Variants in ANKS1B observed in about 807,000 individuals in gnomAD.
ANKS1B encodes the protein ankyrin repeat and sterile alpha motif domain-containing protein 1B.
A neutral mutation model predicts 148.3 loss-of-function variants in ANKS1B; 36 were observed. That is an observed-to-expected ratio of 0.24 (90% CI 0.19 to 0.32). ANKS1B has a LOEUF of 0.32. Ranked by LOEUF, ANKS1B falls within the 10% of genes least tolerant of loss-of-function variation. The probability of loss-of-function intolerance (pLI) is 1.00; values close to 1 mark genes in which losing one functional copy is unlikely to be tolerated. For synonymous variants in ANKS1B, 542 were observed against 560.8 expected, an observed-to-expected ratio of 0.97 and a Z score of 0.47; for missense variants, 1,157 against 1,542.6, an observed-to-expected ratio of 0.75 and a Z score of 4.19.
chr12:98,807,043 G>A (rs2099055927), intron 20 of ANKS1B, among the ~76,000 whole-genome samples: 2 of 152,082 alleles, frequency 1.3e-5, no homozygotes, highest in African/African-American at 4.8e-5. Flanking sequence ...TCTCAACCAA[G>A]TGTCTCAACC....
chr12:99,245,198 T>A (rs1199734439), intron 13 of ANKS1B, among the ~76,000 whole-genome samples: 1 of 152,158 alleles, frequency 6.6e-6, no homozygotes, highest in East Asian at 1.9e-4. Flanking sequence ...CACAAGCTGA[T>A]TACTGACATC....
At chr12:99,258,149 C>T (rs964035453) in intron 12 of ANKS1B, among the ~76,000 whole-genome samples, 8 of 152,130 alleles carry the variant, frequency 5.3e-5, no homozygotes, top group Non-Finnish European at 1.2e-4. Context: ...TAACGTGACT[C>T]TTTAAATGAT....
intron 16 of ANKS1B, among the ~76,000 whole-genome samples, chr12:99,081,490 C>T (rs1465743658): frequency 2.6e-5 from 4 of 152,164 alleles, no homozygotes; most frequent in Admixed American, 6.5e-5. Context: ...TAAAATGACA[C>T]TATTAACCAT....
chr12:98,828,114 T>G (rs1304934097), intron 19 of ANKS1B, among the ~76,000 whole-genome samples: 1 of 152,158 alleles, frequency 6.6e-6, no homozygotes, highest in Non-Finnish European at 1.5e-5. Context: ...ATCCCAACAT[T>G]GCCATTGCCT....
chr12:98,975,191 T>C, intron 17 of ANKS1B, among the ~76,000 whole-genome samples: 1 of 136,156 alleles, frequency 7.3e-6, no homozygotes, highest in Non-Finnish European at 1.6e-5. Flanking sequence ...CCTTTCCTCT[T>C]CCTTCCTCTT....
intron 12 of ANKS1B, among the ~76,000 whole-genome samples, chr12:99,395,393 T>G (rs2152563754): frequency 6.6e-6 from 1 of 152,280 alleles, no homozygotes; most frequent in East Asian, 1.9e-4. Flanking sequence ...TACCTACAAA[T>G]ATTCTACATT....
intron 10 of ANKS1B, among the ~76,000 whole-genome samples, chr12:99,445,348 T>C (rs1443532744): frequency 2.0e-5 from 3 of 152,018 alleles, no homozygotes; most frequent in African/African-American, 7.2e-5. Flanking sequence ...GGCCAAGGAC[T>C]GGAGGCAGGT....
At chr12:99,279,811 C>G (rs2078160630) in intron 12 of ANKS1B, among the ~76,000 whole-genome samples, 2 of 151,918 alleles carry the variant, frequency 1.3e-5, no homozygotes, top group South Asian at 4.2e-4. Flanking sequence ...CCCAGGAGTT[C>G]AGGACCAGCC....
chr12:99,935,506 C>A (rs1489493532), intron 1 of ANKS1B, among the ~76,000 whole-genome samples: 2 of 152,076 alleles, frequency 1.3e-5, no homozygotes, highest in African/African-American at 4.8e-5. Flanking sequence ...CTATGGTTTC[C>A]TCTTAAGCAT....
chr12:98,840,221 C>G (rs2099398199), intron 17 of ANKS1B, among the ~76,000 whole-genome samples: 1 of 152,174 alleles, frequency 6.6e-6, no homozygotes. Flanking sequence ...TACACACAGT[C>G]TTGCCACGGG....
intron 9 of ANKS1B, among the ~76,000 whole-genome samples, chr12:99,579,588 A>G (rs182756086): frequency 1.2e-4 from 18 of 152,344 alleles, no homozygotes; most frequent in African/African-American, 4.1e-4. Context: ...GCCAACAATC[A>G]CATGAAAGAA....
chr12:99,805,282 A>AAAAAAAAAAAAAAAAAAAC (rs2067485564), intron 4 of ANKS1B, among the ~76,000 whole-genome samples: 1 of 148,302 alleles, frequency 6.7e-6, no homozygotes, highest in Non-Finnish European at 1.5e-5. Context: ...AAAAAAAAAA[A>AAAAAAAAAAAAAAAAAAAC]AAAAAAGACT....
At chr12:98,962,137 G>A (rs1349560310) in intron 17 of ANKS1B, among the ~76,000 whole-genome samples, 1 of 148,202 alleles carries the variant, frequency 6.7e-6, no homozygotes, top group Non-Finnish European at 1.5e-5. Context: ...GAGAGTGGCT[G>A]AATGGATAAA....
intron 1 of ANKS1B, among the ~76,000 whole-genome samples, chr12:99,849,907 C>T (rs1042669963): frequency 6.6e-6 from 1 of 152,002 alleles, no homozygotes; most frequent in African/African-American, 2.4e-5. Context: ...GATGTAATGA[C>T]TTCGTGAAAA....
chr12:99,655,280 T>C, intron 8 of ANKS1B, 70 bp from the exon 9 acceptor site: 1 of 1,357,280 alleles, frequency 7.4e-7, no homozygotes, highest in Admixed American at 2.2e-5. Context: ...ATCAATTAAA[T>C]TCTATAAATG....
intron 17 of ANKS1B, among the ~76,000 whole-genome samples, chr12:98,885,566 A>T (rs1399281203): frequency 6.6e-6 from 1 of 152,202 alleles, no homozygotes; most frequent in Non-Finnish European, 1.5e-5. Flanking sequence ...TTTTGGGGAA[A>T]CCCATCAAGC....
intron 19 of ANKS1B, among the ~76,000 whole-genome samples, chr12:98,812,106 A>T (rs1438027167): frequency 6.6e-6 from 1 of 152,194 alleles, no homozygotes; most frequent in Non-Finnish European, 1.5e-5. Flanking sequence ...AGAGAAAGTA[A>T]AACCTCTATA....
At chr12:98,776,817 A>C (rs555434036) in intron 24 of ANKS1B, among the ~76,000 whole-genome samples, 116 of 152,342 alleles carry the variant, frequency 7.6e-4, no homozygotes, top group Non-Finnish European at 3.2e-4. Flanking sequence ...CCTGTGGGGC[A>C]CGTGATGCTG....
chr12:99,517,125 A>G (rs139240882), intron 9 of ANKS1B, among the ~76,000 whole-genome samples: 246 of 152,262 alleles, frequency 1.6e-3, no homozygotes, highest in African/African-American at 5.8e-3. Context: ...TTTCAACAAT[A>G]CTGATTTTAC....
Sources: gnomAD v4.1 joint callset for allele counts (sites outside exome capture counted in the v4.1 genomes callset) on GRCh38, gnomAD v4.1.1 for gene constraint, MANE v1.5 for transcripts, NCBI Gene and HGNC (gene_info 2026-07-23, HGNC 2026-07-21) for gene names.